The following RMDN2 variants were observed in gnomAD, a reference collection of about 807,000 sequenced individuals.
RMDN2 encodes the protein regulator of microtubule dynamics protein 2.
In RMDN2, 61 loss-of-function variants were observed where a neutral mutation model predicts 52.8. The ratio of observed to expected loss-of-function variants is 1.16; its 90% CI spans 0.94 to 1.43. The LOEUF (loss-of-function observed/expected upper bound fraction) is 1.43. Ranked by LOEUF, RMDN2 falls within the 40% of genes most tolerant of loss-of-function variation. RMDN2 has a pLI of 0.00. For missense variants in RMDN2, 592 were observed against 475.3 expected (o/e 1.25, Z -2.28); for synonymous variants, 180 against 153.1 (o/e 1.18, Z -1.30).
At chr2:38,024,065 T>C (rs73926972) in intron 10 of RMDN2, among the ~76,000 whole-genome samples, 7,028 of 152,206 alleles carry the variant, frequency 0.046, 535 homozygotes, top group African/African-American at 0.15. Context: ...CTGACTTCTT[T>C]CCCTCAGCAT....
At chr2:38,031,136 A>G (rs1353082784) in intron 10 of RMDN2, among the ~76,000 whole-genome samples, 2 of 152,178 alleles carry the variant, frequency 1.3e-5, no homozygotes, top group Non-Finnish European at 2.9e-5. Context: ...TGGTTTCTAA[A>G]TGAGATAATT....
intron 4 of RMDN2, among the ~76,000 whole-genome samples, chr2:37,977,201 A>G (rs533443607): frequency 6.6e-6 from 1 of 152,354 alleles, no homozygotes; most frequent in African/African-American, 2.4e-5. Context: ...AGGCAGAAGA[A>G]TTTTTTAGTA....
chr2:37,961,257 C>T (rs760911840), intron 2 of RMDN2, among the ~76,000 whole-genome samples: 3 of 152,080 alleles, frequency 2.0e-5, no homozygotes, highest in Admixed American at 1.3e-4. Context: ...TGGGGAAGTT[C>T]TTCTGGATAA....
At chr2:37,962,491 T>A (rs1670377810) in intron 2 of RMDN2, among the ~76,000 whole-genome samples, 1 of 152,162 alleles carries the variant, frequency 6.6e-6, no homozygotes, top group South Asian at 2.1e-4. Flanking sequence ...GTTTACACTG[T>A]GTGGGGAAAA....
At chr2:38,034,667 T>C (rs2125279402) in intron 10 of RMDN2, among the ~76,000 whole-genome samples, 1 of 151,366 alleles carries the variant, frequency 6.6e-6, no homozygotes, top group South Asian at 2.1e-4. Context: ...ACTTTCTTAT[T>C]TTATGCTTGA....
rs3057329 is a variant in RMDN2 at position 38,041,427 on chromosome 2, GT to G, written c.1714-25539del. Among the ~76,000 whole-genome samples the G allele has an allele frequency of 2.4e-3, 285 of 120,058 alleles. 2 individuals carry two copies. The highest frequency in any genetic ancestry group is 9.7e-3 in the Middle Eastern group (2 of 206). The allele number at this position is 120,058 out of a possible 152,430, so 78.8% of individuals were successfully genotyped here. A position where few individuals can be genotyped will look rare whatever the true frequency, so the allele number is the denominator to read the frequency against. On this transcript the variant is annotated intron_variant, in intron 10 of 10. Transcript: ENST00000234195. ...TCTTCTTTCCTCATTTTTTTTATTGGTTTTTTTTTTTTTTTTGGACGTTTTG... is the reference window on the plus strand; with the variant it reads ...TCTTCTTTCCTCATTTTTTTTATTGGTTTTTTTTTTTTTTTGGACGTTTTG...
upstream of RMDN2, among the ~76,000 whole-genome samples, chr2:37,925,099 G>A (rs555595527): frequency 2.6e-5 from 4 of 152,340 alleles, no homozygotes; most frequent in African/African-American, 7.2e-5. Flanking sequence ...GGTGCCGACC[G>A]GCTTCGAAGG....
intron 10 of RMDN2, among the ~76,000 whole-genome samples, chr2:38,023,478 A>T (rs1386536617): frequency 6.6e-6 from 1 of 152,168 alleles, no homozygotes; most frequent in Non-Finnish European, 1.5e-5. Context: ...CCAACAATGT[A>T]TTTTGTATCT....
intron 2 of RMDN2, among the ~76,000 whole-genome samples, chr2:37,962,307 C>G (rs939159997): frequency 6.6e-6 from 1 of 152,214 alleles, no homozygotes; most frequent in Non-Finnish European, 1.5e-5. Flanking sequence ...CCCCTTCCCC[C>G]AGGTGTTCTG....
chr2:38,067,133 A>G (rs1403495924), exon 11 of RMDN2: 3 of 790,138 alleles, frequency 3.8e-6, no homozygotes, highest in East Asian at 5.1e-5. Context: ...ACATTTCCAC[A>G]TAGTACATGA....
intron 10 of RMDN2, among the ~76,000 whole-genome samples, chr2:38,026,540 C>T (rs761786615): frequency 1.3e-5 from 2 of 152,068 alleles, no homozygotes; most frequent in African/African-American, 2.4e-5. Context: ...GTTTTATTTA[C>T]GCTTCTAATT....
In RMDN2 at chr2:37,959,900, T is replaced by C. The variant is rs144488553; in HGVS notation, c.453-14140T>C. Among the ~76,000 whole-genome samples, 207 of 151,232 alleles carry C rather than the reference T, an allele frequency of 1.4e-3. 14 individuals carry two copies. The highest frequency in any genetic ancestry group is 4.9e-3 in the African/African-American group (199 of 40,502). ...ACTTATTTCTGCCTTAATTTTGTTA[T>C]TCACCCAGTAGTGATTCAGGAGCAT... On this transcript the variant is annotated intron_variant, in intron 2 of 10. Transcript: ENST00000354545.
At chr2:37,971,036 C>T (rs1671743372) in intron 2 of RMDN2, among the ~76,000 whole-genome samples, 1 of 151,834 alleles carries the variant, frequency 6.6e-6, no homozygotes, top group African/African-American at 2.4e-5. Context: ...TCTTTTGAAG[C>T]ACCTAAGTTT....
chr2:38,036,950 G>T (rs936020684), intron 10 of RMDN2, among the ~76,000 whole-genome samples: 1 of 152,154 alleles, frequency 6.6e-6, no homozygotes, highest in Non-Finnish European at 1.5e-5. Flanking sequence ...GTCTATTTCC[G>T]GGAAAAGAGT....
chr2:37,946,012 T>A (rs1311052800), intron 2 of RMDN2, among the ~76,000 whole-genome samples: 1 of 152,224 alleles, frequency 6.6e-6, no homozygotes, highest in African/African-American at 2.4e-5. Context: ...TTTGAATACC[T>A]TTTTAAGCCT....
At chr2:37,939,514 G>A (rs1180954642) in intron 2 of RMDN2, among the ~76,000 whole-genome samples, 3 of 152,166 alleles carry the variant, frequency 2.0e-5, no homozygotes, top group Non-Finnish European at 2.9e-5. Context: ...CACTCTTATT[G>A]TGTGGGAGTC....
chr2:37,962,837 C>G (rs988034372), intron 2 of RMDN2, among the ~76,000 whole-genome samples: 1 of 152,122 alleles, frequency 6.6e-6, no homozygotes, highest in African/African-American at 2.4e-5. Flanking sequence ...GGTGTAGGCA[C>G]CCGAGGGAAT....
intron 10 of RMDN2, among the ~76,000 whole-genome samples, chr2:38,054,141 C>A (rs990599979): frequency 1.3e-5 from 2 of 152,170 alleles, no homozygotes; most frequent in Admixed American, 6.5e-5. Flanking sequence ...TGCACTTCTG[C>A]TTCCTCAAGT....
chr2:38,032,799 A>C (rs998894040), intron 10 of RMDN2: 2 of 152,326 alleles, frequency 1.3e-5, no homozygotes, highest in African/African-American at 4.8e-5. Context: ...AGATCGCACC[A>C]CTGCATTCCA....
Sources: allele counts gnomAD v4.1 joint callset (sites outside exome capture counted in the v4.1 genomes callset), GRCh38; gene constraint gnomAD v4.1.1; transcripts MANE v1.5; gene names NCBI Gene and HGNC (gene_info 2026-07-23, HGNC 2026-07-21).